The following ZNF680 variants were observed in gnomAD, a reference collection of about 807,000 sequenced individuals.
The protein encoded by ZNF680 is hypothetical protein FLJ90430.
In ZNF680, 6 loss-of-function variants were observed where a neutral mutation model predicts 12.1. The observed-to-expected ratio is 0.49, with a 90% CI of 0.27 to 0.98. ZNF680 has a LOEUF of 0.98. Among genes scored for constraint, ZNF680 ranks in the 50% least tolerant of loss-of-function variants. The pLI, the probability that ZNF680 is intolerant of heterozygous loss-of-function variation, is 0.12. For missense variants in ZNF680, 561 were observed against 616.3 expected (o/e 0.91, Z 0.95); for synonymous variants, 170 against 199.3 (o/e 0.85, Z 1.24).
At chr7:64,530,827 C>T (rs956145389) in intron 3 of ZNF680, among the ~76,000 whole-genome samples, 6 of 150,582 alleles carry the variant, frequency 4.0e-5, no homozygotes, top group African/African-American at 1.5e-4. Flanking sequence ...CACTGCACTC[C>T]AGCCTGGGCA....
At chr7:64,504,555 G>C in the ZNF680 span, among the ~76,000 whole-genome samples, 6 of 152,160 alleles carry the variant, frequency 3.9e-5, no homozygotes, top group African/African-American at 1.2e-4. Context: ...AAAAGCCTTT[G>C]TGAGGCAGAG....
chr7:64,524,526 A>C (rs1188901361), intron 3 of ZNF680, among the ~76,000 whole-genome samples: 3 of 152,230 alleles, frequency 2.0e-5, no homozygotes, highest in Non-Finnish European at 4.4e-5. Context: ...AAGTTTCCAA[A>C]TATATAAAGC....
At position 64,547,897 on chromosome 7, in the gene ZNF680, G is replaced by A. The variant is rs116242456; in HGVS notation, c.31-3465C>T. ...GCTTCTGAGTTTCAAAGAATTATGG[G>A]CACCAGTTCTAAAAAGGCTGCAGGA... On this transcript the variant is annotated intron_variant, in intron 1 of 3. Transcript: ENST00000309683. Among the ~76,000 whole-genome samples, 291 of 152,166 alleles carry A rather than the reference G, an allele frequency of 1.9e-3. 1 individual carries two copies. The highest frequency in any genetic ancestry group is 6.4e-3 in the African/African-American group (266 of 41,516).
chr7:64,509,665 G>T, the ZNF680 span, among the ~76,000 whole-genome samples: 1 of 152,100 alleles, frequency 6.6e-6, no homozygotes, highest in Non-Finnish European at 1.5e-5. Flanking sequence ...GGGTACCCTG[G>T]GAGCCTTTTG....
At chr7:64,512,852 T>C in the ZNF680 span, among the ~76,000 whole-genome samples, 2 of 152,192 alleles carry the variant, frequency 1.3e-5, no homozygotes, top group Non-Finnish European at 2.9e-5. Flanking sequence ...TAAATCAATT[T>C]TTTTAAAATG....
the ZNF680 span, among the ~76,000 whole-genome samples, chr7:64,507,770 C>CT: frequency 8.7e-5 from 13 of 149,926 alleles, no homozygotes; most frequent in African/African-American, 3.0e-4. Flanking sequence ...GAGAAATAAA[C>CT]TTTAAGAATT....
downstream of ZNF680, among the ~76,000 whole-genome samples, chr7:64,517,665 C>A (rs1791382319): frequency 6.6e-6 from 1 of 151,642 alleles, no homozygotes; most frequent in Non-Finnish European, 1.5e-5. Context: ...ACAGACTGAC[C>A]TAATGAACAC....
chr7:64,528,620 T>C (rs1237456493), intron 3 of ZNF680, among the ~76,000 whole-genome samples: 1 of 152,054 alleles, frequency 6.6e-6, no homozygotes, highest in Non-Finnish European at 1.5e-5. Context: ...GGTACATAAA[T>C]CCATTGACCT....
chr7:64,560,507 T>TA (rs1787675190), intron 1 of ZNF680, among the ~76,000 whole-genome samples: 1 of 152,216 alleles, frequency 6.6e-6, no homozygotes, highest in Admixed American at 6.5e-5. Context: ...AGGCTTGGAA[T>TA]TCTGTTTGAA....
the ZNF680 span, among the ~76,000 whole-genome samples, chr7:64,505,690 C>T: frequency 1.3e-5 from 2 of 152,062 alleles, no homozygotes; most frequent in Admixed American, 1.3e-4. Context: ...CTCCCATTGA[C>T]GTAATCAGTG....
chr7:64,543,120 AT>A (rs900940648), intron 3 of ZNF680, among the ~76,000 whole-genome samples: 1 of 152,190 alleles, frequency 6.6e-6, no homozygotes, highest in Admixed American at 6.5e-5. Context: ...TTCCAGTGGC[AT>A]TTTTTTACAG....
chr7:64,512,873 T>A, the ZNF680 span, among the ~76,000 whole-genome samples: 40 of 152,318 alleles, frequency 2.6e-4, no homozygotes, highest in Non-Finnish European at 2.1e-4. Context: ...AAGGCTGTGG[T>A]ACCTTTCAGT....
chr7:64,525,634 T>C (rs1584353847), intron 3 of ZNF680: 2 of 436,160 alleles, frequency 4.6e-6, no homozygotes, highest in Non-Finnish European at 6.1e-6. Flanking sequence ...GTCAATATAA[T>C]AGGACTAAAA....
At chr7:64,554,848 T>G (rs2116544122) in intron 1 of ZNF680, among the ~76,000 whole-genome samples, 1 of 152,214 alleles carries the variant, frequency 6.6e-6, no homozygotes, top group East Asian at 1.9e-4. Context: ...ACACAAACAC[T>G]GCGGAAGGCA....
chr7:64,535,314 A>G (rs994423327), intron 3 of ZNF680, among the ~76,000 whole-genome samples: 8 of 151,008 alleles, frequency 5.3e-5, no homozygotes, highest in Non-Finnish European at 8.9e-5. Context: ...GCAGTGGGTC[A>G]TTAATTATCA....
intron 3 of ZNF680, among the ~76,000 whole-genome samples, chr7:64,527,154 C>T (rs1233011205): frequency 2.0e-5 from 3 of 152,194 alleles, no homozygotes; most frequent in Non-Finnish European, 4.4e-5. Flanking sequence ...AGGAGAATCA[C>T]TTGAACCCAG....
chr7:64,514,295 T>C, the ZNF680 span, among the ~76,000 whole-genome samples: 23 of 152,236 alleles, frequency 1.5e-4, no homozygotes, highest in Non-Finnish European at 2.5e-4. Flanking sequence ...TCCAAAACCA[T>C]ATAAAATATC....
Position 64,552,768 on chromosome 7 carries a change from G to A in ZNF680, c.31-8336C>T, listed in dbSNP as rs188950120. On this transcript the variant is annotated intron_variant, in intron 1 of 3. Transcript: ENST00000309683. The stretch of plus-strand genomic sequence containing the variant: ...AAATAACAATATTAAAATGACTAAC[G>A]GTTTCATTCAAAGTAAATGTCGTGG... Among the ~76,000 whole-genome samples the A allele has an allele frequency of 7.9e-5, 12 of 152,148 alleles. No individual in the cohort carries two copies. The East Asian group carries it at 1.9e-3, about 24-fold the overall frequency.
At chr7:64,501,320 G>A in the ZNF680 span, 2 of 1,203,196 alleles carry the variant, frequency 1.7e-6, no homozygotes, top group African/African-American at 3.0e-5. Flanking sequence ...AACACCTCAT[G>A]AAGGGGCAAA....
Sources: allele counts gnomAD v4.1 joint callset (sites outside exome capture counted in the v4.1 genomes callset), GRCh38; gene constraint gnomAD v4.1.1; transcripts MANE v1.5; gene names NCBI Gene and HGNC (gene_info 2026-07-23, HGNC 2026-07-21).